Variants in NPAS3 observed in about 807,000 individuals in gnomAD.
The protein encoded by NPAS3 is neuronal PAS domain protein 3.
Under a neutral mutation model 73.1 loss-of-function variants are expected in NPAS3, and 14 were observed. That is an observed-to-expected ratio of 0.19 (90% CI 0.13 to 0.30). NPAS3 has a LOEUF of 0.30. Among genes scored for constraint, NPAS3 ranks in the 10% least tolerant of loss-of-function variants. The probability of loss-of-function intolerance (pLI) is 1.00; values close to 1 mark genes in which losing one functional copy is unlikely to be tolerated. For synonymous variants in NPAS3, 620 were observed against 541.5 expected (o/e 1.14, Z -2.01); for missense variants, 1,096 against 1,250.0 (o/e 0.88, Z 1.86).
intron 1 of NPAS3, among the ~76,000 whole-genome samples, chr14:32,950,614 C>G (rs17524514): frequency 0.025 from 3,877 of 152,134 alleles, 58 homozygotes; most frequent in Middle Eastern, 0.071. Flanking sequence ...TAGCAAGGTA[C>G]AACAATCTTA....
intron 6 of NPAS3, among the ~76,000 whole-genome samples, chr14:33,699,838 A>G (rs1169392444): frequency 6.6e-6 from 1 of 152,126 alleles, no homozygotes; most frequent in African/African-American, 2.4e-5. Context: ...ACAGCTAATG[A>G]CCTGTTTTAG....
intron 2 of NPAS3, among the ~76,000 whole-genome samples, chr14:33,118,689 T>C (rs1023627728): frequency 6.6e-6 from 1 of 152,102 alleles, no homozygotes; most frequent in Non-Finnish European, 1.5e-5. Flanking sequence ...GAAAAATGAA[T>C]TGTTTATTTT....
intron 2 of NPAS3, among the ~76,000 whole-genome samples, chr14:33,127,069 T>A (rs2043453343): frequency 6.6e-6 from 1 of 151,404 alleles, no homozygotes; most frequent in South Asian, 2.1e-4. Context: ...TTGATTTTTT[T>A]CATTTATTGT....
chr14:33,746,195 A>ATTTTTTTT lies in NPAS3; in HGVS notation c.852+10866_852+10867insTTTTTTTT, dbSNP rs1241544431. On this transcript the variant is annotated intron_variant, in intron 7 of 11. Transcript: ENST00000356141. ...ATTTTATTTATTTATTTATTTATTT[A>ATTTTTTTT]TTTATTTTTTTGAGATGGAGTCTTT... Among the ~76,000 whole-genome samples the ATTTTTTTT allele has an allele frequency of 2.6e-3, 378 of 146,528 alleles. 1 individual carries two copies. Among genetic ancestry groups the ATTTTTTTT allele is most frequent in the African/African-American group, 9.7e-3 (360 of 37,200 alleles).
intron 1 of NPAS3, among the ~76,000 whole-genome samples, chr14:33,018,677 A>C (rs1196689206): frequency 1.3e-5 from 2 of 152,246 alleles, no homozygotes; most frequent in Non-Finnish European, 2.9e-5. Flanking sequence ...TTTCATTTTC[A>C]AAAATGATGA....
chr14:33,187,691 A>G (rs189710297), intron 2 of NPAS3, among the ~76,000 whole-genome samples: 4 of 152,296 alleles, frequency 2.6e-5, no homozygotes, highest in Admixed American at 1.3e-4. Context: ...TGGGCAACAT[A>G]GTGAGAACCT....
chr14:33,056,021 C>T (rs1484153831), intron 2 of NPAS3, 27 bp downstream of exon 2: 2 of 802,780 alleles, frequency 2.5e-6, no homozygotes, highest in Non-Finnish European at 4.3e-6. Context: ...GTGAGTCTTC[C>T]TTCTGGCTCG....
chr14:33,104,093 A>G (rs2042653848), intron 2 of NPAS3, among the ~76,000 whole-genome samples: 4 of 152,178 alleles, frequency 2.6e-5, no homozygotes, highest in Admixed American at 2.0e-4. Context: ...AAAAATCTGT[A>G]TGGGTATCAG....
intron 3 of NPAS3, among the ~76,000 whole-genome samples, chr14:33,258,590 G>C (rs989634123): frequency 1.3e-5 from 2 of 152,150 alleles, no homozygotes; most frequent in Non-Finnish European, 2.9e-5. Flanking sequence ...CATTAGAATT[G>C]TCCATACATT....
chr14:33,249,905 C>CAT (rs141558341), intron 3 of NPAS3, among the ~76,000 whole-genome samples: 6,447 of 137,226 alleles, frequency 0.047, 176 homozygotes, highest in African/African-American at 0.089. Context: ...GCAAATCTGT[C>CAT]ATACACACAC....
chr14:33,320,098 G>A (rs1594682597), intron 3 of NPAS3, among the ~76,000 whole-genome samples: 1 of 152,118 alleles, frequency 6.6e-6, no homozygotes, highest in African/African-American at 2.4e-5. Context: ...CAAAGAAAGG[G>A]TATAATGTTG....
intron 3 of NPAS3, among the ~76,000 whole-genome samples, chr14:33,356,191 G>A (rs1038623991): frequency 1.3e-5 from 2 of 152,226 alleles, no homozygotes; most frequent in Non-Finnish European, 2.9e-5. Context: ...AGAGACCAGT[G>A]GCTTCCTGGA....
Position 33,388,112 on chromosome 14 carries a change from T to A in NPAS3, c.468+20844T>A, listed in dbSNP as rs149836498. Among the ~76,000 whole-genome samples, 163 of 152,204 alleles carry A rather than the reference T, an allele frequency of 1.1e-3. 1 individual carries two copies. The highest frequency in any genetic ancestry group is 3.7e-3 in the African/African-American group (152 of 41,544). On this transcript the variant is annotated intron_variant, in intron 4 of 11. Transcript: ENST00000356141. ...ATGGATAGACACACCCCAGGAGAAG[T>A]GAATGGCATGATCAATGCACAGGGC...
chr14:33,449,175 G>C (rs1025297192), intron 4 of NPAS3, among the ~76,000 whole-genome samples: 1 of 151,926 alleles, frequency 6.6e-6, no homozygotes, highest in Admixed American at 6.5e-5. Context: ...ACATTCACCC[G>C]AGTGATAAGG....
chr14:33,342,709 G>A (rs533552376), intron 3 of NPAS3, among the ~76,000 whole-genome samples: 10 of 151,570 alleles, frequency 6.6e-5, no homozygotes, highest in Non-Finnish European at 1.0e-4. Flanking sequence ...TTGCTTTGGT[G>A]CATGCTTTAA....
At chr14:33,689,333 A>G (rs2060171997) in intron 6 of NPAS3, among the ~76,000 whole-genome samples, 1 of 152,226 alleles carries the variant, frequency 6.6e-6, no homozygotes, top group Admixed American at 6.5e-5. Context: ...AATGAGTTTA[A>G]TACATACAAA....
intron 2 of NPAS3, among the ~76,000 whole-genome samples, chr14:33,084,752 C>T (rs561569714): frequency 5.9e-5 from 9 of 151,856 alleles, no homozygotes; most frequent in African/African-American, 1.9e-4. Flanking sequence ...GTCTTGTGGC[C>T]GTGAAATTGA....
intron 5 of NPAS3, among the ~76,000 whole-genome samples, chr14:33,652,664 C>T (rs1325796843): frequency 6.6e-6 from 1 of 152,184 alleles, no homozygotes; most frequent in Non-Finnish European, 1.5e-5. Flanking sequence ...ATTCAGGCGC[C>T]ATGCCTTGGT....
At chr14:33,501,498 A>G (rs1566954494) in intron 4 of NPAS3, among the ~76,000 whole-genome samples, 1 of 151,928 alleles carries the variant, frequency 6.6e-6, no homozygotes, top group Non-Finnish European at 1.5e-5. Context: ...TCACAACAAT[A>G]ATACACAACA....
Sources: gnomAD v4.1 joint callset for allele counts (sites outside exome capture counted in the v4.1 genomes callset) on GRCh38, gnomAD v4.1.1 for gene constraint, MANE v1.5 for transcripts, NCBI Gene and HGNC (gene_info 2026-07-23, HGNC 2026-07-21) for gene names.